The following XPR1 variants were observed in gnomAD, a reference collection of about 807,000 sequenced individuals.
XPR1 encodes the protein solute carrier family 53 member 1.
Under a neutral mutation model 87.5 loss-of-function variants are expected in XPR1, and 28 were observed. That is an observed-to-expected ratio of 0.32 (90% CI 0.24 to 0.44). XPR1 has a LOEUF of 0.44. XPR1 is among the 20% of genes least tolerant of loss of function. The pLI is 1.00. For synonymous variants in XPR1, 300 were observed against 306.1 expected, an observed-to-expected ratio of 0.98 and a Z score of 0.21; for missense variants, 559 against 862.3, an observed-to-expected ratio of 0.65 and a Z score of 4.41.
intron 2 of XPR1, among the ~76,000 whole-genome samples, chr1:180,755,750 G>C (rs905120994): frequency 1.3e-5 from 2 of 152,140 alleles, no homozygotes; most frequent in African/African-American, 4.8e-5. Flanking sequence ...TATGTGCCCT[G>C]ATGAAGGTTT....
At position 180,886,121 on chromosome 1, in the gene XPR1, T is replaced by C. The variant is rs1474463266; in HGVS notation, c.*2055T>C. ...TAGTTTAAATAAATTGAATCATTTA[T>C]AATAATCAGTGTTAACAATTTAGTG... On this transcript the variant is annotated 3_prime_UTR_variant, in exon 15 of 15. Coordinates refer to ENST00000367590, the MANE Select transcript of XPR1 (RefSeq NM_004736.4). The C allele has an allele frequency of 1.3e-5, 2 of 152,250 alleles. No individual in the cohort carries two copies. Among genetic ancestry groups the C allele is most frequent in the African/African-American group, 4.8e-5 (2 of 41,454 alleles). 9.4% of individuals were successfully genotyped at this position (152,250 alleles called of 1,614,324 possible).
intron 7 of XPR1, among the ~76,000 whole-genome samples, chr1:180,818,986 G>C (rs1038405103): frequency 6.6e-6 from 1 of 151,856 alleles, no homozygotes; most frequent in African/African-American, 2.4e-5. Flanking sequence ...GTCTCTCTCT[G>C]TTGCCCAGGC....
intron 1 of XPR1, among the ~76,000 whole-genome samples, chr1:180,636,450 T>C (rs12402575): frequency 0.23 from 34,898 of 152,122 alleles, 4,119 homozygotes; most frequent in Middle Eastern, 0.28. Flanking sequence ...CAGGAAGCTA[T>C]AACTATTCTT....
At chr1:180,717,695 G>A (rs993960061) in intron 2 of XPR1, among the ~76,000 whole-genome samples, 1 of 152,120 alleles carries the variant, frequency 6.6e-6, no homozygotes, top group Non-Finnish European at 1.5e-5. Flanking sequence ...TGGCACGCTG[G>A]AACTGTCTCA....
chr1:180,662,801 A>G (rs1655823319), intron 1 of XPR1, among the ~76,000 whole-genome samples: 1 of 152,030 alleles, frequency 6.6e-6, no homozygotes, highest in Non-Finnish European at 1.5e-5. Context: ...TCTTGTAGGC[A>G]TGCTTTACTT....
At chr1:180,759,551 C>T (rs546868420) in intron 2 of XPR1, among the ~76,000 whole-genome samples, 3 of 152,118 alleles carry the variant, frequency 2.0e-5, no homozygotes, top group Admixed American at 2.0e-4. Flanking sequence ...TACACCCTCC[C>T]AAGACTAAAC....
rs187790508 is a variant in XPR1 at position 180,648,752 on chromosome 1, C to T, written c.69+16482C>T. ...CAGACTCCTGACCCCAGGTGATCCA[C>T]CCAGCTCGGCCTCCCAAAGTGCTGG... On this transcript the variant is annotated intron_variant, in intron 1 of 14. Transcript: ENST00000367590. Among the ~76,000 whole-genome samples, 457 of 152,270 alleles carry T rather than the reference C, an allele frequency of 3.0e-3. 2 individuals are homozygous for T. The highest frequency in any genetic ancestry group is 4.5e-3 in the Non-Finnish European group (308 of 68,010).
intron 2 of XPR1, among the ~76,000 whole-genome samples, chr1:180,688,324 A>G (rs1223054647): frequency 2.0e-5 from 3 of 151,656 alleles, no homozygotes; most frequent in African/African-American, 7.3e-5. Context: ...CCTGACCTCA[A>G]GTGATCCACC....
Position 180,632,062 on chromosome 1 carries a change from G to A in XPR1, c.-140G>A, listed in dbSNP as rs982049929. 7 of 963,986 alleles carry A rather than the reference G, an allele frequency of 7.3e-6. No homozygotes were observed. Among genetic ancestry groups the A allele is most frequent in the African/African-American group, 1.6e-5 (1 of 61,748 alleles). 59.7% of individuals were successfully genotyped at this position (963,986 alleles called of 1,614,324 possible). ...AAGATGGCGGGCGGGCTGCTCTGAA[G>A]AGACCTCGGCGGCGGCGGAGGAGGA... On this transcript the variant is annotated 5_prime_UTR_variant, in exon 1 of 15. Coordinates refer to ENST00000367590, the MANE Select transcript of XPR1 (RefSeq NM_004736.4).
At chr1:180,776,022 G>A (rs1648702665) in intron 2 of XPR1, among the ~76,000 whole-genome samples, 1 of 152,090 alleles carries the variant, frequency 6.6e-6, no homozygotes. Flanking sequence ...GCTGTGATAC[G>A]TTGTTGCCAT....
intron 3 of XPR1, among the ~76,000 whole-genome samples, chr1:180,793,833 C>T (rs1006322622): frequency 1.3e-5 from 2 of 151,832 alleles, no homozygotes; most frequent in Non-Finnish European, 2.9e-5. Context: ...TGAAAACCAC[C>T]CTCATTTTCT....
intron 11 of XPR1, among the ~76,000 whole-genome samples, chr1:180,862,180 A>T (rs1340524157): frequency 6.8e-6 from 1 of 146,790 alleles, no homozygotes; most frequent in African/African-American, 2.6e-5. Context: ...CAAGGCAACT[A>T]TTTTTTTTTT....
intron 11 of XPR1, among the ~76,000 whole-genome samples, chr1:180,845,562 G>C (rs1002795786): frequency 6.6e-6 from 1 of 152,184 alleles, no homozygotes. Context: ...TGTCACCCAG[G>C]CTGGAGTGCA....
In XPR1 at chr1:180,644,777, C is replaced by T. The variant is rs562680703; in HGVS notation, c.69+12507C>T. 3.9e-4 allele frequency among the ~76,000 whole-genome samples: 59 copies of T among 151,936 alleles called. 1 individual carries two copies. In the South Asian group the frequency reaches 0.011, roughly 29 times the overall value. On this transcript the variant is annotated intron_variant, in intron 1 of 14. Transcript: ENST00000367590. ...GGGAGTGGTTTTGGGATGATTCAAGCGTGTTACGTTTATTGTGCACTTTAT... is the reference window on the plus strand; with the variant it reads ...GGGAGTGGTTTTGGGATGATTCAAGTGTGTTACGTTTATTGTGCACTTTAT...
intron 1 of XPR1, 152 bp downstream of exon 1, chr1:180,632,422 G>A (rs1654618143): frequency 2.9e-6 from 3 of 1,018,674 alleles, no homozygotes; most frequent in Non-Finnish European, 4.4e-6. Flanking sequence ...TCCCCGCCGC[G>A]GCCGGCCGCC....
chr1:180,877,735 C>T (rs187463913), intron 13 of XPR1, among the ~76,000 whole-genome samples: 56 of 151,412 alleles, frequency 3.7e-4, no homozygotes, highest in Non-Finnish European at 6.9e-4. Context: ...TGTTGAAATG[C>T]TTATCTTAAA....
At chr1:180,724,424 T>A (rs1338113304) in intron 2 of XPR1, among the ~76,000 whole-genome samples, 1 of 152,244 alleles carries the variant, frequency 6.6e-6, no homozygotes, top group Non-Finnish European at 1.5e-5. Context: ...ATTATATTTG[T>A]CTTCATATTA....
intron 2 of XPR1, among the ~76,000 whole-genome samples, chr1:180,697,387 A>G (rs1330265794): frequency 1.3e-5 from 2 of 151,328 alleles, no homozygotes; most frequent in Non-Finnish European, 3.0e-5. Flanking sequence ...TAGTTTATCC[A>G]TTTTATTTTT....
chr1:180,819,849 C>T (rs780788999), intron 7 of XPR1, among the ~76,000 whole-genome samples: 4 of 152,012 alleles, frequency 2.6e-5, no homozygotes, highest in African/African-American at 4.8e-5. Context: ...AAAACCCCGT[C>T]TCTACTAAAA....
Sources: allele counts gnomAD v4.1 joint callset (sites outside exome capture counted in the v4.1 genomes callset), GRCh38; gene constraint gnomAD v4.1.1; transcripts MANE v1.5; gene names NCBI Gene and HGNC (gene_info 2026-07-23, HGNC 2026-07-21).